NDUFA5: variants seen among roughly 807,000 people sequenced by gnomAD.
NDUFA5 encodes NADH:ubiquinone oxidoreductase subunit A5, also known as NADH dehydrogenase [ubiquinone] 1 alpha subcomplex subunit 5.
NDUFA5 carries 11 observed loss-of-function variants against 19.8 expected under a neutral mutation model. That is an observed-to-expected ratio of 0.56 (90% CI 0.35 to 0.92). NDUFA5 has a LOEUF of 0.92. Ranked by LOEUF, NDUFA5 falls within the 40% of genes least tolerant of loss-of-function variation. The pLI, the probability that NDUFA5 is intolerant of heterozygous loss-of-function variation, is 0.01. For synonymous variants in NDUFA5, 47 were observed against 46.8 expected (o/e 1.00, Z -0.01); for missense variants, 109 against 134.2 (o/e 0.81, Z 0.93).
the NDUFA5 span, among the ~76,000 whole-genome samples, chr7:123,598,355 AT>A: frequency 7.9e-5 from 12 of 152,322 alleles, no homozygotes; most frequent in East Asian, 2.3e-3. Context: ...ACCTTTAGAT[AT>A]CTCTAAATGA....
At chr7:123,547,895 G>A (rs546177608) in intron 3 of NDUFA5, among the ~76,000 whole-genome samples, 128 of 152,096 alleles carry the variant, frequency 8.4e-4, no homozygotes, top group Non-Finnish European at 1.5e-3. Flanking sequence ...AAGCTTTTAC[G>A]TGCATTACCT....
At chr7:123,558,817 A>G (rs1239011699), upstream of NDUFA5, among the ~76,000 whole-genome samples, 1 of 152,208 alleles carries the variant, frequency 6.6e-6, no homozygotes, top group Non-Finnish European at 1.5e-5. Flanking sequence ...AAGACTTTTA[A>G]GCTTCTAAGT....
chr7:123,588,563 CT>C, the NDUFA5 span, among the ~76,000 whole-genome samples: 1 of 148,768 alleles, frequency 6.7e-6, no homozygotes, highest in Non-Finnish European at 1.5e-5. Flanking sequence ...TTCCTTCTTC[CT>C]TCCTTCCTTC....
At chr7:123,548,510 C>A (rs1354477209) in intron 3 of NDUFA5, among the ~76,000 whole-genome samples, 2 of 152,018 alleles carry the variant, frequency 1.3e-5, no homozygotes, top group African/African-American at 4.8e-5. Context: ...GTAAGAACTA[C>A]CAAACAACGT....
chr7:123,563,034 C>G, the NDUFA5 span, among the ~76,000 whole-genome samples: 21 of 152,248 alleles, frequency 1.4e-4, no homozygotes, highest in Non-Finnish European at 3.1e-4. Context: ...CTCCTGACCT[C>G]AGGTGATCCG....
the NDUFA5 span, among the ~76,000 whole-genome samples, chr7:123,569,933 ATTG>A: frequency 6.6e-6 from 1 of 151,062 alleles, no homozygotes; most frequent in Non-Finnish European, 1.5e-5. Flanking sequence ...GCAAATAATG[ATTG>A]TTATTATTAT....
chr7:123,595,641 T>A, the NDUFA5 span, among the ~76,000 whole-genome samples: 2 of 152,234 alleles, frequency 1.3e-5, no homozygotes, highest in East Asian at 3.8e-4. Flanking sequence ...GCATACCTAG[T>A]GCACAGCATA....
intron 2 of NDUFA5, chr7:123,555,345 A>G (rs1798498396): frequency 6.6e-6 from 1 of 152,224 alleles, no homozygotes; most frequent in Admixed American, 6.5e-5. Flanking sequence ...GCAATTCTCT[A>G]AACAAGAACA....
the NDUFA5 span, among the ~76,000 whole-genome samples, chr7:123,589,321 TATC>T: frequency 1.3e-5 from 2 of 149,306 alleles, no homozygotes; most frequent in Non-Finnish European, 3.0e-5. Flanking sequence ...TTATTATTAT[TATC>T]ATTATTATTA....
chr7:123,557,661 G>T lies in NDUFA5; in HGVS notation c.21+114C>A, dbSNP rs373921846. ...GGTAAGGCATGCAGAACGAGTCCCC[G>T]AAAAGCACCGCCGAGCCCGCGACAG... On this transcript the variant is annotated intron_variant, in intron 1 of 4. Coordinates refer to ENST00000355749, the MANE Select transcript of NDUFA5 (RefSeq NM_005000.5). 4.6e-5 allele frequency: 74 copies of T among 1,613,680 alleles called. No homozygotes were observed. The African/African-American group carries it at 8.8e-4, about 19-fold the overall frequency.
upstream of NDUFA5, chr7:123,558,027 G>A (rs2116221162): frequency 6.0e-6 from 4 of 669,986 alleles, 1 homozygote; most frequent in Non-Finnish European, 2.5e-6. Context: ...GGGAAAGAAA[G>A]GGTTTCCCAG....
chr7:123,600,051 G>A, the NDUFA5 span, among the ~76,000 whole-genome samples: 1 of 152,180 alleles, frequency 6.6e-6, no homozygotes, highest in East Asian at 1.9e-4. Flanking sequence ...CTCAAAGTAT[G>A]TCTTATTGTG....
rs1562900291 is a variant in NDUFA5 at position 123,557,320 on chromosome 7, C to A, written c.66+84G>T. ...AATTAAGGGCTTGAAACATCTGTAT[C>A]CCGTTAACCCTGCAATAAGCAAAGT... On this transcript the variant is annotated intron_variant, in intron 2 of 4. Transcript: ENST00000355749. 10 of 1,584,758 alleles carry A rather than the reference C, an allele frequency of 6.3e-6. No homozygotes were observed. In the East Asian group the frequency reaches 2.3e-4, roughly 37 times the overall value.
At chr7:123,545,503 A>G (rs1017497087) in intron 4 of NDUFA5, 108 bp downstream of exon 4, 5 of 824,162 alleles carry the variant, frequency 6.1e-6, no homozygotes, top group African/African-American at 5.2e-5. Context: ...AGTCTTACAT[A>G]TTTGACGAGT....
At chr7:123,557,591 C>T in intron 1 of NDUFA5, 143 bp from the exon 2 acceptor site, 1 of 1,612,890 alleles carries the variant, frequency 6.2e-7, no homozygotes, top group Non-Finnish European at 8.5e-7. Context: ...TTGTTTGGAG[C>T]TTTTTTCCTG....
In NDUFA5 at chr7:123,540,892, A is replaced by G. The variant is rs10280040; in HGVS notation, c.*1227T>C. 0.15 allele frequency: 8,988 copies of G among 60,376 alleles called. 389 individuals are homozygous for G. Among genetic ancestry groups the G allele is most frequent in the African/African-American group, 0.22 (4,577 of 20,616 alleles). 3.7% of individuals were successfully genotyped at this position (60,376 alleles called of 1,614,324 possible). On this transcript the variant is annotated 3_prime_UTR_variant, in exon 5 of 5. Transcript: ENST00000355749. The stretch of plus-strand genomic sequence containing the variant: ...TGAGCAAATGTGCGCATGCGCGTGC[A>G]CACACACACACACACACACACACAC...
At chr7:123,585,000 C>T in the NDUFA5 span, 2 of 151,554 alleles carry the variant, frequency 1.3e-5, no homozygotes, top group Non-Finnish European at 2.9e-5. Context: ...CTAAGAGTCA[C>T]CTGAAAGAAA....
At chr7:123,581,844 G>C in the NDUFA5 span, among the ~76,000 whole-genome samples, 2 of 151,916 alleles carry the variant, frequency 1.3e-5, no homozygotes, top group Admixed American at 6.6e-5. Flanking sequence ...TTGAGGAAAA[G>C]ACATGAAACT....
intron 3 of NDUFA5, among the ~76,000 whole-genome samples, chr7:123,547,799 T>TGATTTTTAGTCACCAATGGCATAATGC (rs1454276084): frequency 1.3e-5 from 2 of 152,194 alleles, no homozygotes; most frequent in Non-Finnish European, 2.9e-5. Context: ...GTGAATAATG[T>TGATTTTTAGTCACCAATGGCATAATGC]GATTTTTAGT....
Sources: gnomAD v4.1 joint callset for allele counts (sites outside exome capture counted in the v4.1 genomes callset) on GRCh38, gnomAD v4.1.1 for gene constraint, MANE v1.5 for transcripts, NCBI Gene and HGNC (gene_info 2026-07-23, HGNC 2026-07-21) for gene names.